Variants in SHROOM4 observed in about 807,000 individuals in gnomAD.
The protein encoded by SHROOM4 is shroom family member 4, also known as protein Shroom4.
SHROOM4 carries 17 observed loss-of-function variants against 80.3 expected under a neutral mutation model. That is an observed-to-expected ratio of 0.21 (90% CI 0.14 to 0.32). The LOEUF (loss-of-function observed/expected upper bound fraction) is 0.32. Among genes scored for constraint, SHROOM4 ranks in the 10% least tolerant of loss-of-function variants. SHROOM4 has a pLI of 1.00. For synonymous variants in SHROOM4, 400 were observed against 437.5 expected, an observed-to-expected ratio of 0.91 and a Z score of 1.07; for missense variants, 993 against 1,140.3, an observed-to-expected ratio of 0.87 and a Z score of 1.86.
intron 2 of SHROOM4, among the ~76,000 whole-genome samples, chrX:50,682,303 T>C (rs1932958499): frequency 8.9e-6 from 1 of 111,887 alleles, no homozygotes; most frequent in African/African-American, 3.2e-5. Context: ...CTGAATCCAC[T>C]ATCTCAGCTT....
intron 1 of SHROOM4, among the ~76,000 whole-genome samples, chrX:50,708,674 T>C (rs1933735729): frequency 8.9e-6 from 1 of 112,319 alleles, no homozygotes; most frequent in African/African-American, 3.2e-5. Flanking sequence ...TTTGCTGTAC[T>C]GTTCGCCCAG....
chrX:50,785,666 T>C (rs1260951731), intron 1 of SHROOM4, among the ~76,000 whole-genome samples: 1 of 111,524 alleles, frequency 9.0e-6, no homozygotes, highest in Non-Finnish European at 1.9e-5. Flanking sequence ...GCCTGGGGGT[T>C]GTGGAGCTGG....
At position 50,738,783 on chromosome X, in the gene SHROOM4, C is replaced by A. The variant is rs782776475; in HGVS notation, c.118-42846G>T. Among the ~76,000 whole-genome samples, 4 of 111,426 alleles carry A rather than the reference C, an allele frequency of 3.6e-5. No individual in the cohort carries two copies. The South Asian group carries it at 1.5e-3, about 42-fold the overall frequency. ...GGTAATTTATAGATTCAATGCCATC[C>A]CCATCAAGCTACCATTGACTTTTTT... is the stretch of plus-strand genomic sequence containing the variant. On this transcript the variant is annotated intron_variant, in intron 1 of 8. Transcript: ENST00000376020.
At chrX:50,752,846 T>C (rs1266445687) in intron 1 of SHROOM4, among the ~76,000 whole-genome samples, 1 of 111,815 alleles carries the variant, frequency 8.9e-6, no homozygotes, top group Non-Finnish European at 1.9e-5. Flanking sequence ...TTTTACTTGA[T>C]TATTCATAGC....
chrX:50,645,545 C>T (rs546363770), intron 2 of SHROOM4, among the ~76,000 whole-genome samples: 3 of 111,449 alleles, frequency 2.7e-5, no homozygotes, highest in African/African-American at 3.3e-5. Flanking sequence ...AGAAAGGGTG[C>T]GAAGATGAGA....
chrX:50,629,879 G>C (rs1557253783), intron 4 of SHROOM4, among the ~76,000 whole-genome samples: 2 of 110,797 alleles, frequency 1.8e-5, no homozygotes, highest in Non-Finnish European at 3.8e-5. Context: ...TGAGTCATCA[G>C]AGCGATGGCA....
In SHROOM4 at chrX:50,633,489, C is replaced by T. The variant is rs1557254690; in HGVS notation, c.2584G>A (p.Ala862Thr). ...ATGGAATTTTCTAGACCTTTGCTTG[C>T]AAAACATTCTGAGTAAGTGGGAGTT... ...SETPTYSECF[A>T]SKGLENSMCC... is the part of the protein sequence containing the mutation. The change falls in exon 4 of 9, where the codon GCA becomes ACA. Residue 862 changes from alanine to threonine, a missense_variant. By Grantham distance (58) the Ala-to-Thr change is moderately conservative. Transcript: ENST00000376020. 9.1e-6 allele frequency: 11 copies of T among 1,211,619 alleles called. No individual in the cohort carries two copies. The South Asian group carries it at 1.8e-4, about 19-fold the overall frequency.
intron 2 of SHROOM4, among the ~76,000 whole-genome samples, chrX:50,652,147 G>A (rs1214745782): frequency 1.8e-5 from 2 of 111,741 alleles, no homozygotes; most frequent in Non-Finnish European, 3.8e-5. Flanking sequence ...AGATCCTTGA[G>A]GAATCGCCAC....
At chrX:50,728,048 C>T (rs184352770) in intron 1 of SHROOM4, among the ~76,000 whole-genome samples, 1 of 111,969 alleles carries the variant, frequency 8.9e-6, no homozygotes, top group East Asian at 2.8e-4. Flanking sequence ...CTCTGTGATA[C>T]TAGTGAAATG....
intron 2 of SHROOM4, among the ~76,000 whole-genome samples, chrX:50,671,266 T>C (rs1050745700): frequency 8.9e-6 from 1 of 111,835 alleles, no homozygotes. Context: ...GAATGGTAAA[T>C]GATCAATGAC....
rs1931140518 is a variant in SHROOM4 at position 50,633,163 on chromosome X, G to GA, written c.2895+14dup. On this transcript the variant is annotated intron_variant, in intron 4 of 8. Coordinates refer to ENST00000376020, the MANE Select transcript of SHROOM4 (RefSeq NM_020717.5). The stretch of plus-strand genomic sequence containing the variant: ...ACAATAATGAAGGTTACCCACCCAA[G>GA]AACCAAGTCCTCACCTGCACTGTCA... 1.7e-6 allele frequency: 2 copies of GA among 1,205,250 alleles called. No individual in the cohort carries two copies. The highest frequency in any genetic ancestry group is 2.2e-6 in the Non-Finnish European group (2 of 890,657).
the SHROOM4 span, among the ~76,000 whole-genome samples, chrX:50,581,535 C>CCTGA: frequency 2.7e-5 from 3 of 111,438 alleles, no homozygotes; most frequent in East Asian, 8.5e-4. Flanking sequence ...CAGCTGCAGC[C>CCTGA]CTGACTTGCT....
chrX:50,676,909 C>T (rs1932861855), intron 2 of SHROOM4, among the ~76,000 whole-genome samples: 1 of 111,484 alleles, frequency 9.0e-6, no homozygotes, highest in East Asian at 2.8e-4. Flanking sequence ...AAAAGTAATG[C>T]AAAGGATAAA....
rs1289511292 is a variant in SHROOM4 at position 50,589,984 on chromosome X, G to A, written c.*6711C>T. Among the ~76,000 whole-genome samples, 1 of 111,919 alleles carries A rather than the reference G, an allele frequency of 8.9e-6. No individual in the cohort carries two copies. Among genetic ancestry groups the A allele is most frequent in the Non-Finnish European group, 1.9e-5 (1 of 53,243 alleles). On this transcript the variant is annotated 3_prime_UTR_variant, in exon 9 of 9. Transcript: ENST00000376020. ...ATATAGCTATTCTAGTGGGTATGAAGTGGTATCTCATTGTGGTCTTGATTT... is the reference window on the plus strand; with the variant it reads ...ATATAGCTATTCTAGTGGGTATGAAATGGTATCTCATTGTGGTCTTGATTT...
At chrX:50,597,934 G>A (rs1392688950) in intron 8 of SHROOM4, among the ~76,000 whole-genome samples, 2 of 111,337 alleles carry the variant, frequency 1.8e-5, no homozygotes, top group East Asian at 5.6e-4. Context: ...CGCCTCCCAA[G>A]CTCAAGCAAA....
intron 4 of SHROOM4, 56 bp downstream of exon 4, chrX:50,633,122 C>T (rs782266092): frequency 5.8e-6 from 6 of 1,034,384 alleles, no homozygotes; most frequent in Non-Finnish European, 8.1e-6. Context: ...ATTTACGTAG[C>T]TTTCCCCTCT....
intron 1 of SHROOM4, among the ~76,000 whole-genome samples, chrX:50,803,182 C>G (rs1299738412): frequency 9.0e-6 from 1 of 111,564 alleles, no homozygotes; most frequent in African/African-American, 3.3e-5. Flanking sequence ...GAGAGAGACT[C>G]CGTCTCAAAA....
In SHROOM4 at chrX:50,814,166, G is replaced by A; in HGVS notation, c.-148C>T. The A allele has an allele frequency of 2.1e-6, 1 of 474,821 alleles. No homozygotes were observed. Among genetic ancestry groups the A allele is most frequent in the Non-Finnish European group, 3.8e-6 (1 of 265,387 alleles). The allele number at this position is 474,821 out of a possible 1,213,427, so 39.1% of individuals were successfully genotyped here. On this transcript the variant is annotated 5_prime_UTR_variant, in exon 1 of 9. Transcript: ENST00000376020. ...TACTCTCCCGGCTGGAGACGCTCAG[G>A]CAGCGAGCGAGCGCAAGGAGGAAAT... is the stretch of plus-strand genomic sequence containing the variant.
chrX:50,632,725 A>T (rs1931122694), intron 4 of SHROOM4, among the ~76,000 whole-genome samples: 1 of 112,058 alleles, frequency 8.9e-6, no homozygotes, highest in Non-Finnish European at 1.9e-5. Context: ...TGGGCCTAGA[A>T]CTCCATAGAC....
Sources: allele counts gnomAD v4.1 joint callset (sites outside exome capture counted in the v4.1 genomes callset), GRCh38; gene constraint gnomAD v4.1.1; transcripts MANE v1.5; gene names NCBI Gene and HGNC (gene_info 2026-07-23, HGNC 2026-07-21).